The following SNTB1 variants were observed in gnomAD, a reference collection of about 807,000 sequenced individuals.
SNTB1 encodes the protein beta-1-syntrophin.
A neutral mutation model predicts 48.9 loss-of-function variants in SNTB1; 36 were observed. The ratio of observed to expected loss-of-function variants is 0.74; its 90% CI spans 0.56 to 0.97. The LOEUF (loss-of-function observed/expected upper bound fraction) is 0.97. Among genes scored for constraint, SNTB1 ranks in the 50% least tolerant of loss-of-function variants. The pLI is 0.00. For missense variants in SNTB1, 786 were observed against 703.4 expected, an observed-to-expected ratio of 1.12 and a Z score of -1.33; for synonymous variants, 299 against 294.6, an observed-to-expected ratio of 1.01 and a Z score of -0.15.
intron 3 of SNTB1, among the ~76,000 whole-genome samples, chr8:120,594,922 A>C (rs779699454): frequency 5.9e-5 from 9 of 152,076 alleles, no homozygotes; most frequent in Non-Finnish European, 1.2e-4. Context: ...ATGCAAATGT[A>C]CTTAATTGAA....
intron 3 of SNTB1, among the ~76,000 whole-genome samples, chr8:120,612,496 C>T (rs1816641918): frequency 6.6e-6 from 1 of 152,144 alleles, no homozygotes; most frequent in Non-Finnish European, 1.5e-5. Context: ...GATTTCCAAG[C>T]CCTAGCCACT....
At chr8:120,793,991 C>T (rs548781452) in intron 1 of SNTB1, among the ~76,000 whole-genome samples, 1 of 152,036 alleles carries the variant, frequency 6.6e-6, no homozygotes, top group South Asian at 2.1e-4. Flanking sequence ...TGTTTTTATA[C>T]TGTAGAAGGA....
chr8:120,733,399 G>A (rs1333855197), intron 1 of SNTB1, among the ~76,000 whole-genome samples: 2 of 152,244 alleles, frequency 1.3e-5, no homozygotes, highest in African/African-American at 4.8e-5. Flanking sequence ...TTGGTTTTGT[G>A]TTCAGCACAC....
At chr8:120,682,584 C>T (rs187069937) in intron 2 of SNTB1, among the ~76,000 whole-genome samples, 1 of 152,280 alleles carries the variant, frequency 6.6e-6, no homozygotes, top group Admixed American at 6.5e-5. Context: ...GCAGAGTGCC[C>T]ACACTGTTGA....
At chr8:120,577,302 G>A (rs2130689221) in intron 3 of SNTB1, among the ~76,000 whole-genome samples, 1 of 152,292 alleles carries the variant, frequency 6.6e-6, no homozygotes, top group Admixed American at 6.5e-5. Context: ...ATGAATGACT[G>A]TTGACATATT....
chr8:120,625,962 G>C (rs541554416), intron 3 of SNTB1, among the ~76,000 whole-genome samples: 39 of 152,032 alleles, frequency 2.6e-4, no homozygotes, highest in Non-Finnish European at 4.3e-4. Context: ...ATATTTAGAG[G>C]CTCCAAAAAT....
intron 2 of SNTB1, among the ~76,000 whole-genome samples, chr8:120,634,785 G>C (rs1817045878): frequency 6.6e-6 from 1 of 152,026 alleles, no homozygotes; most frequent in Admixed American, 6.6e-5. Flanking sequence ...CAAGCATTAA[G>C]TTGTAGAAGA....
chr8:120,623,908 C>A (rs1307882541), intron 3 of SNTB1, among the ~76,000 whole-genome samples: 1 of 152,142 alleles, frequency 6.6e-6, no homozygotes, highest in South Asian at 2.1e-4. Context: ...GTTGCTGCAA[C>A]AGAGTACCGT....
At chr8:120,576,411 T>A (rs1017179108) in intron 3 of SNTB1, among the ~76,000 whole-genome samples, 1 of 152,232 alleles carries the variant, frequency 6.6e-6, no homozygotes, top group Admixed American at 6.5e-5. Flanking sequence ...GGAATCCGTA[T>A]AGAGATAGAA....
chr8:120,564,060 A>G (rs1815706513), intron 4 of SNTB1, among the ~76,000 whole-genome samples: 4 of 151,268 alleles, frequency 2.6e-5, no homozygotes, highest in Admixed American at 2.6e-4. Flanking sequence ...GTGAGCAGAT[A>G]TTATGCCATT....
At chr8:120,555,776 A>G (rs1815556620) in intron 4 of SNTB1, among the ~76,000 whole-genome samples, 1 of 152,248 alleles carries the variant, frequency 6.6e-6, no homozygotes, top group East Asian at 1.9e-4. Flanking sequence ...AGGGGGTCCT[A>G]AGAGTGGGGC....
chr8:120,812,010 A>G lies in SNTB1; in HGVS notation c.-167T>C, dbSNP rs1820449899. ...GGAGTTCGCAGACGCACTCGGCGGG[A>G]GTTGGCAGCTGCACTCAGGCTGGTT... On this transcript the variant is annotated 5_prime_UTR_variant, in exon 1 of 7. Transcript: ENST00000517992. 7.9e-7 allele frequency: 1 copy of G among 1,267,236 alleles called. No homozygotes were observed. The highest frequency in any genetic ancestry group is 9.9e-7 in the Non-Finnish European group (1 of 1,012,326). 78.5% of individuals were successfully genotyped at this position (1,267,236 alleles called of 1,614,324 possible). A position where few individuals can be genotyped will look rare whatever the true frequency, so the allele number is the denominator to read the frequency against.
At chr8:120,800,897 C>A (rs1465126045) in intron 1 of SNTB1, among the ~76,000 whole-genome samples, 1 of 151,716 alleles carries the variant, frequency 6.6e-6, no homozygotes, top group East Asian at 1.9e-4. Flanking sequence ...CAAGAAAAAG[C>A]AGTATAAGCA....
intron 2 of SNTB1, among the ~76,000 whole-genome samples, chr8:120,661,586 C>T (rs756563008): frequency 1.9e-4 from 29 of 152,038 alleles, no homozygotes; most frequent in African/African-American, 4.8e-4. Flanking sequence ...CCTATCAACC[C>T]GTCATCTAGG....
At chr8:120,643,248 A>G (rs2129679640) in intron 2 of SNTB1, among the ~76,000 whole-genome samples, 1 of 152,326 alleles carries the variant, frequency 6.6e-6, no homozygotes, top group East Asian at 1.9e-4. Flanking sequence ...AAAGGCACAC[A>G]CCATGTTTGT....
intron 3 of SNTB1, among the ~76,000 whole-genome samples, chr8:120,625,164 C>T (rs991089351): frequency 6.6e-6 from 1 of 152,184 alleles, no homozygotes; most frequent in Non-Finnish European, 1.5e-5. Context: ...CTCAAGACCT[C>T]ATCACCTCTT....
chr8:120,584,438 C>CAAAAAAAAAAA lies in SNTB1; in HGVS notation c.997-9224_997-9214dup, dbSNP rs11443743. Among the ~76,000 whole-genome samples, 18 of 57,074 alleles carry CAAAAAAAAAAA rather than the reference C, an allele frequency of 3.2e-4. 2 individuals are homozygous for CAAAAAAAAAAA. Among genetic ancestry groups the CAAAAAAAAAAA allele is most frequent in the African/African-American group, 1.4e-3 (17 of 12,296 alleles). The allele number at this position is 57,074 out of a possible 152,430, so 37.4% of individuals were successfully genotyped here. On this transcript the variant is annotated intron_variant, in intron 3 of 6. Transcript: ENST00000517992. ...TGGGTGACAGAGCGAAACTCCATCTCAAAAAAAAAAAAAAAAAAAAAAAGT... is the reference window on the plus strand; with the variant it reads ...TGGGTGACAGAGCGAAACTCCATCTCAAAAAAAAAAAAAAAAAAAAAAAAAAAAAAAAAAGT...
intron 4 of SNTB1, among the ~76,000 whole-genome samples, chr8:120,566,329 C>CAAAA (rs71306894): frequency 1.4e-4 from 11 of 78,276 alleles, no homozygotes; most frequent in South Asian, 4.4e-4. Context: ...GACTCTGTCT[C>CAAAA]AAAAAAAAAA....
intron 3 of SNTB1, among the ~76,000 whole-genome samples, chr8:120,629,507 G>A (rs28582528): frequency 0.68 from 104,113 of 152,036 alleles, 35,912 homozygotes; most frequent in East Asian, 0.76. Flanking sequence ...TATATACAGG[G>A]TCACATTTTA....
Sources: gnomAD v4.1 joint callset for allele counts (sites outside exome capture counted in the v4.1 genomes callset) on GRCh38, gnomAD v4.1.1 for gene constraint, MANE v1.5 for transcripts, NCBI Gene and HGNC (gene_info 2026-07-23, HGNC 2026-07-21) for gene names.